Variants in SGSH observed in about 807,000 individuals in gnomAD.
SGSH encodes the protein heparan sulfate sulfatase.
Under a neutral mutation model 51.0 loss-of-function variants are expected in SGSH, and 48 were observed. The ratio of observed to expected loss-of-function variants is 0.94; its 90% confidence interval spans 0.75 to 1.20. The LOEUF (loss-of-function observed/expected upper bound fraction) is 1.20. Among genes scored for constraint, SGSH ranks in the 50% most tolerant of loss-of-function variants. The probability of loss-of-function intolerance (pLI) is 0.00; values close to 1 mark genes in which losing one functional copy is unlikely to be tolerated. For missense variants in SGSH, 662 were observed against 717.8 expected, an observed-to-expected ratio of 0.92 and a Z score of 0.89; for synonymous variants, 321 against 313.4, an observed-to-expected ratio of 1.02 and a Z score of -0.26.
downstream of SGSH, chr17:80,208,360 T>C (rs563588388): frequency 2.7e-4 from 424 of 1,571,880 alleles, 2 homozygotes; most frequent in African/African-American, 5.2e-3. Context: ...CCGTGCCCCT[T>C]CCCGGGACTG....
rs1389297197 is a variant in SGSH at position 80,213,904 on chromosome 17, A to G, written c.664-19T>C. ...AAGGCACCTGGGGCAGGCGGTGGGG[A>G]GCCAGGCTTAGAACAGACAGACCGG... is the stretch of plus-strand genomic sequence containing the variant. On this transcript the variant is annotated intron_variant, in intron 5 of 7. Coordinates refer to ENST00000326317, the MANE Select transcript of SGSH (RefSeq NM_000199.5). This position sits in a 1 kb window ranked among gnomAD's most constrained non-coding sequence, Gnocchi z 4.6. 2.5e-6 allele frequency: 4 copies of G among 1,590,992 alleles called. No homozygotes were observed. Among genetic ancestry groups the G allele is most frequent in the Non-Finnish European group, 3.4e-6 (4 of 1,173,318 alleles).
At chr17:80,208,555 C>T (rs1473884147), downstream of SGSH, 4 of 506,552 alleles carry the variant, frequency 7.9e-6, no homozygotes, top group South Asian at 1.0e-4. Flanking sequence ...TCTGTGGAAA[C>T]ATCTTCACCC....
chr17:80,208,619 G>A (rs7211656), downstream of SGSH: 215,175 of 400,906 alleles, frequency 0.54, 59,807 homozygotes, highest in East Asian at 0.65. Context: ...TTTCTGCAGT[G>A]GGACAGGAGG....
At chr17:80,202,278 G>A, downstream of SGSH, 1 of 1,613,936 alleles carries the variant, frequency 6.2e-7, no homozygotes, top group South Asian at 1.1e-5. Context: ...CAGGGCCAAA[G>A]GGGAGCTGCA....
At chr17:80,201,534 T>C in the SGSH span, 19 of 562,770 alleles carry the variant, frequency 3.4e-5, no homozygotes, top group Non-Finnish European at 4.1e-5. This position sits in a 1 kb window ranked among gnomAD's most constrained non-coding sequence, Gnocchi z 5.0. Flanking sequence ...GTTGACTCTC[T>C]GGCCAGCACT....
the SGSH span, chr17:80,201,419 G>C: frequency 9.5e-5 from 30 of 316,186 alleles, no homozygotes; most frequent in Middle Eastern, 1.0e-3. The surrounding 1 kb of genome is among the most constrained non-coding windows in gnomAD (Gnocchi z 5.0). Context: ...GAATGCTCTT[G>C]AATGTTCTAG....
At chr17:80,204,451 C>G (rs2041165369), downstream of SGSH, 4 of 1,056,240 alleles carry the variant, frequency 3.8e-6, no homozygotes, top group Admixed American at 8.3e-5. Flanking sequence ...TCATTTAGGC[C>G]AGGATCTGGT....
chr17:80,210,011 C>A lies in SGSH; in HGVS notation c.*441G>T, dbSNP rs2041568487. ...TGCCCACGCGGCACCGAAGCCCCTG[C>A]CTGCTCTCTGTGAAGGGTTCAGAAG... On this transcript the variant is annotated 3_prime_UTR_variant, in exon 8 of 8. Transcript: ENST00000326317. The A allele has an allele frequency of 9.5e-7, 1 of 1,049,210 alleles. No individual in the cohort carries two copies. The highest frequency in any genetic ancestry group is 7.7e-5 in the East Asian group (1 of 13,034). The allele number at this position is 1,049,210 out of a possible 1,614,324, so 65.0% of individuals were successfully genotyped here.
At chr17:80,211,367 G>A in intron 7 of SGSH, 1 of 372,650 alleles carries the variant, frequency 2.7e-6, no homozygotes, top group Non-Finnish European at 4.9e-6. Flanking sequence ...CCCCAAGAGA[G>A]ATGTGGGCCG....
At chr17:80,205,393 A>G, downstream of SGSH, 2 of 1,255,988 alleles carry the variant, frequency 1.6e-6, no homozygotes, top group South Asian at 2.9e-5. Flanking sequence ...GTGCAGGGTC[A>G]GGTTTGTAAA....
chr17:80,216,220 T>A (rs1356309764), intron 2 of SGSH, among the ~76,000 whole-genome samples: 2 of 151,604 alleles, frequency 1.3e-5, no homozygotes, highest in Non-Finnish European at 1.5e-5. Flanking sequence ...TCCCAGCTAC[T>A]CGGGAGGCTG....
downstream of SGSH, chr17:80,203,269 CAA>C (rs5822329): frequency 3.8e-4 from 42 of 109,652 alleles, no homozygotes; most frequent in Admixed American, 9.5e-4. The surrounding 1 kb of genome is among the most constrained non-coding windows in gnomAD (Gnocchi z 4.6). Context: ...GACTCTGTCT[CAA>C]AAAAAAAAAA....
chr17:80,214,203 G>C lies in SGSH; in HGVS notation c.632C>G (p.Thr211Ser), dbSNP rs746508510. 1.2e-6 allele frequency: 2 copies of C among 1,611,970 alleles called. No homozygotes were observed. Among genetic ancestry groups the C allele is most frequent in the Non-Finnish European group, 1.7e-6 (2 of 1,179,662 alleles). The change falls in exon 5 of 8, where the codon ACC becomes AGC. Residue 211 changes from threonine (T) to serine (S), a missense_variant. Thr to Ser is a moderately conservative substitution (Grantham distance 58). Transcript: ENST00000326317. ...GTCCAGTGGGTCGTAGGCCTGGGGG[G>C]TCCAGTCTGGGATACGACCCATGCC... Reference protein sequence around the residue: ...ESGMGRIPDWTPQAYDPLDVL... With the variant: ...ESGMGRIPDWSPQAYDPLDVL...
downstream of SGSH, chr17:80,204,256 C>T (rs758104157): frequency 1.3e-6 from 2 of 1,597,850 alleles, no homozygotes; most frequent in Non-Finnish European, 8.6e-7. Flanking sequence ...AGAAGCTGGT[C>T]CGCATCGTCA....
chr17:80,211,410 T>C (rs1433505682), intron 7 of SGSH: 2 of 320,922 alleles, frequency 6.2e-6, no homozygotes, highest in Admixed American at 4.6e-5. Context: ...CTGAGTTTCC[T>C]GCTGTCCCGG....
rs1185258529 is a variant in SGSH at position 80,215,081 on chromosome 17, T to G, written c.307A>C (p.Lys103Gln). ...QDVHHFNSFD[K>Q]VRSLPLLLSQ... ...AGCAGCAGCGGCAGGCTCCGCACCT[T>G]GTCGAAGGAGTTGAAGTGGTGCACG... is the stretch of plus-strand genomic sequence containing the variant. Residue 103 changes from lysine to glutamine, a missense_variant, in exon 3 of 8, where the codon AAG becomes CAG. Transcript: ENST00000326317. 6.2e-7 allele frequency: 1 copy of G among 1,612,236 alleles called. No homozygotes were observed. Among genetic ancestry groups the G allele is most frequent in the Admixed American group, 1.7e-5 (1 of 59,996 alleles).
At chr17:80,215,546 C>T (rs367809891) in intron 2 of SGSH, among the ~76,000 whole-genome samples, 11 of 152,364 alleles carry the variant, frequency 7.2e-5, no homozygotes, top group African/African-American at 2.4e-4. Context: ...GCCGGCCGGG[C>T]GTGGTGGCTC....
chr17:80,218,211 C>T (rs768308433), intron 1 of SGSH, among the ~76,000 whole-genome samples: 6 of 152,252 alleles, frequency 3.9e-5, no homozygotes, highest in Admixed American at 1.3e-4. Flanking sequence ...GCCCAGGGCG[C>T]GTCTAAAGCT....
chr17:80,214,035 G>A (rs762657621), intron 5 of SGSH, 137 bp downstream of exon 5: 96 of 1,350,302 alleles, frequency 7.1e-5, no homozygotes, highest in Middle Eastern at 5.3e-4. Flanking sequence ...CTGTGGCCCC[G>A]AGGTTGGGAA....
Sources: gnomAD v4.1 joint callset for allele counts (sites outside exome capture counted in the v4.1 genomes callset) on GRCh38, gnomAD v4.1.1 for gene constraint, Gnocchi (gnomAD v3.1) non-coding constraint, MANE v1.5 for transcripts, NCBI Gene and HGNC (gene_info 2026-07-23, HGNC 2026-07-21) for gene names.